EXD3: variants seen among roughly 807,000 people sequenced by gnomAD.
EXD3 encodes the protein exonuclease 3'-5' domain containing 3.
In EXD3, 92 loss-of-function variants were observed where a neutral mutation model predicts 98.0. The observed-to-expected ratio is 0.94, with a 90% CI of 0.79 to 1.12. EXD3 has a LOEUF of 1.12. EXD3 is among the 50% of genes most tolerant of loss of function. The pLI, the probability that EXD3 is intolerant of heterozygous loss-of-function variation, is 0.00. For missense variants in EXD3, 1,222 were observed against 1,191.6 expected, an observed-to-expected ratio of 1.03 and a Z score of -0.38; for synonymous variants, 569 against 526.0, an observed-to-expected ratio of 1.08 and a Z score of -1.12.
intron 1 of EXD3, among the ~76,000 whole-genome samples, chr9:137,408,612 C>G (rs915980093): frequency 6.6e-6 from 1 of 151,586 alleles, no homozygotes; most frequent in African/African-American, 2.4e-5. Flanking sequence ...CACACCTCCC[C>G]CCAGCTGCTC....
At chr9:137,327,152 G>A (rs980108043) in intron 17 of EXD3, among the ~76,000 whole-genome samples, 1 of 107,168 alleles carries the variant, frequency 9.3e-6, no homozygotes, top group Non-Finnish European at 1.9e-5. Flanking sequence ...TTTTTTTTTT[G>A]AGACAGAGTC....
Position 137,371,320 on chromosome 9 carries a change from G to A in EXD3, c.462+1585C>T, listed in dbSNP as rs1265345357. Reference sequence around the variant, plus strand: ...TGCCGGGACATGGTGGCTTCTCAGCGCCATGCACCCGCCGCGAGACGACGG... The same window carrying A: ...TGCCGGGACATGGTGGCTTCTCAGCACCATGCACCCGCCGCGAGACGACGG... On this transcript the variant is annotated intron_variant, in intron 5 of 21. Transcript: ENST00000340951. The surrounding 1 kb of genome is among the most constrained non-coding windows in gnomAD (Gnocchi z 8.0). 2.0e-5 allele frequency among the ~76,000 whole-genome samples: 3 copies of A among 152,166 alleles called. No homozygotes were observed. Among genetic ancestry groups the A allele is most frequent in the Non-Finnish European group, 4.4e-5 (3 of 67,998 alleles).
At chr9:137,309,549 C>T in intron 20 of EXD3, 58 bp downstream of exon 20, 1 of 1,416,830 alleles carries the variant, frequency 7.1e-7, no homozygotes, top group Non-Finnish European at 9.7e-7. Flanking sequence ...CTGGCTACCT[C>T]AGTAGGTCGA....
At chr9:137,401,284 G>A (rs555023373) in intron 1 of EXD3, among the ~76,000 whole-genome samples, 264 of 151,314 alleles carry the variant, frequency 1.7e-3, no homozygotes, top group Middle Eastern at 6.8e-3. Context: ...CTCCCAAGTA[G>A]CTGGGACAAC....
intron 7 of EXD3, among the ~76,000 whole-genome samples, chr9:137,364,330 C>G (rs904266192): frequency 3.3e-5 from 5 of 152,002 alleles, no homozygotes; most frequent in Non-Finnish European, 7.4e-5. Flanking sequence ...TTTTAAAAAT[C>G]ATTAATTTAG....
At chr9:137,416,067 T>G (rs1838216445) in intron 1 of EXD3, among the ~76,000 whole-genome samples, 1 of 152,176 alleles carries the variant, frequency 6.6e-6, no homozygotes, top group Non-Finnish European at 1.5e-5. Flanking sequence ...TTTTTGAAGG[T>G]TAAAACTAGG....
Position 137,367,583 on chromosome 9 carries a change from G to A in EXD3, c.516+353C>T, listed in dbSNP as rs577846277. On this transcript the variant is annotated intron_variant, in intron 6 of 21. Coordinates refer to ENST00000340951, the MANE Select transcript of EXD3 (RefSeq NM_017820.5). ...GACTGCTTCCCCCAGCCCACTGCAC[G>A]GTGGAGGCGTGCAGCAGAGGAGGGT... The A allele has an allele frequency of 1.1e-3, 261 of 241,988 alleles. 2 individuals carry two copies. The highest frequency in any genetic ancestry group is 5.7e-3 in the African/African-American group (250 of 43,906). The allele number at this position is 241,988 out of a possible 1,614,324, so 15.0% of individuals were successfully genotyped here. A position where few individuals can be genotyped will look rare whatever the true frequency, so the allele number is the denominator to read the frequency against.
chr9:137,412,744 A>G (rs994282909), intron 1 of EXD3, among the ~76,000 whole-genome samples: 1 of 152,220 alleles, frequency 6.6e-6, no homozygotes, highest in Non-Finnish European at 1.5e-5. Context: ...CACTGGCTTC[A>G]AAGGGAATTC....
Position 137,393,285 on chromosome 9 carries a change from C to G in EXD3, c.55+2018G>C. The stretch of plus-strand genomic sequence containing the variant: ...GCTGAGGCGAACCCAGGGTCCCATG[C>G]GCTCCCCGGCCCTGACGGCGGTCTC... On this transcript the variant is annotated intron_variant, in intron 2 of 21. Transcript: ENST00000340951. The surrounding 1 kb of genome is among the most constrained non-coding windows in gnomAD (Gnocchi z 4.6). The G allele has an allele frequency of 1.4e-6, 1 of 700,294 alleles. No individual in the cohort carries two copies. The highest frequency in any genetic ancestry group is 2.6e-6 in the Non-Finnish European group (1 of 383,686). 43.4% of individuals were successfully genotyped at this position (700,294 alleles called of 1,614,324 possible).
chr9:137,397,467 T>C (rs1837271939), intron 1 of EXD3, among the ~76,000 whole-genome samples: 1 of 152,056 alleles, frequency 6.6e-6, no homozygotes, highest in African/African-American at 2.4e-5. Flanking sequence ...ATCCAGAGTT[T>C]CCACAATGGA....
rs1381354447 is a variant in EXD3 at position 137,313,626 on chromosome 9, G to A, written c.2185-3926C>T. On this transcript the variant is annotated intron_variant, in intron 19 of 21. Transcript: ENST00000340951. Reference sequence around the variant, plus strand: ...TGCACTCCTCCCTCTGGGCCCCATGGGGGGTGTGGCAGGTGGGGTCCGTCG... The same window carrying A: ...TGCACTCCTCCCTCTGGGCCCCATGAGGGGTGTGGCAGGTGGGGTCCGTCG... 2.0e-5 allele frequency among the ~76,000 whole-genome samples: 3 copies of A among 152,170 alleles called. No individual in the cohort carries two copies. In the East Asian group the frequency reaches 5.8e-4, roughly 29 times the overall value.
intron 17 of EXD3, among the ~76,000 whole-genome samples, chr9:137,334,949 C>T (rs1288810240): frequency 3.3e-5 from 5 of 151,674 alleles, no homozygotes; most frequent in Non-Finnish European, 7.4e-5. Context: ...TGGTGGCAGG[C>T]GCCTGTAGTC....
intron 7 of EXD3, 113 bp from the exon 8 acceptor site, chr9:137,356,481 A>T: frequency 1.3e-6 from 1 of 742,298 alleles, no homozygotes; most frequent in Non-Finnish European, 2.2e-6. Flanking sequence ...AGTGAGGTTT[A>T]TAAGAAAATG....
At position 137,407,826 on chromosome 9, in the gene EXD3, G is replaced by A. The variant is rs1837802041; in HGVS notation, c.-47-12422C>T. Among the ~76,000 whole-genome samples the A allele has an allele frequency of 1.4e-5, 1 of 73,390 alleles. No individual in the cohort carries two copies. The highest frequency in any genetic ancestry group is 1.3e-4 in the Admixed American group (1 of 7,582). 48.1% of individuals were successfully genotyped at this position (73,390 alleles called of 152,430 possible). On this transcript the variant is annotated intron_variant, in intron 1 of 21. Transcript: ENST00000340951. The surrounding 1 kb of genome is among the most constrained non-coding windows in gnomAD (Gnocchi z 4.4). ...GCGCCGGCTGGACCCAAGGACACAC[G>A]CGGGAGGCGGGAGGCGGGAGGGGCA...
rs1375967904 is a variant in EXD3, at chr9:137,403,940, G to A, written c.-47-8536C>T. Among the ~76,000 whole-genome samples, 3 of 152,046 alleles carry A rather than the reference G, an allele frequency of 2.0e-5. No homozygotes were observed. The East Asian group carries it at 5.8e-4, about 29-fold the overall frequency. On this transcript the variant is annotated intron_variant, in intron 1 of 21. Transcript: ENST00000340951. This position sits in a 1 kb window ranked among gnomAD's most constrained non-coding sequence, Gnocchi z 6.1. The stretch of plus-strand genomic sequence containing the variant: ...GCATAGACCCCGAAGGATGTGGAGT[G>A]TCCTCCAGGGCCGTACAAAGCACCA...
At chr9:137,366,213 T>C (rs1835245493) in intron 7 of EXD3, 1 of 702,844 alleles carries the variant, frequency 1.4e-6, no homozygotes, top group Non-Finnish European at 2.6e-6. Context: ...ACGGTTGCCA[T>C]GCCTGCATGA....
At chr9:137,354,255 T>C in intron 10 of EXD3, 84 bp downstream of exon 10, 1 of 1,565,586 alleles carries the variant, frequency 6.4e-7, no homozygotes, top group Non-Finnish European at 8.7e-7. Flanking sequence ...CTCTGCGCAC[T>C]TCCACCAGGA....
chr9:137,388,312 C>T (rs921122868), intron 2 of EXD3, among the ~76,000 whole-genome samples: 1 of 151,820 alleles, frequency 6.6e-6, no homozygotes, highest in Non-Finnish European at 1.5e-5. Context: ...CACCATCTGT[C>T]CCCAGGACGG....
chr9:137,355,391 G>A lies in EXD3; in HGVS notation c.758-618C>T, dbSNP rs765164891. Among the ~76,000 whole-genome samples the A allele has an allele frequency of 5.3e-5, 8 of 149,766 alleles. 1 individual carries two copies. Among genetic ancestry groups the A allele is most frequent in the Admixed American group, 6.7e-5 (1 of 14,900 alleles). On this transcript the variant is annotated intron_variant, in intron 8 of 21. Transcript: ENST00000340951. ...GCCCAGAGCGCAGCCACGGGGAGCCGGGCGACCATCTGCCCTGAGGCAGGG... is the reference window on the plus strand; with the variant it reads ...GCCCAGAGCGCAGCCACGGGGAGCCAGGCGACCATCTGCCCTGAGGCAGGG...
Sources: allele counts gnomAD v4.1 joint callset (sites outside exome capture counted in the v4.1 genomes callset), GRCh38; gene constraint gnomAD v4.1.1; non-coding constraint Gnocchi (gnomAD v3.1); transcripts MANE v1.5; gene names NCBI Gene and HGNC (gene_info 2026-07-23, HGNC 2026-07-21).